TAMM41: variants seen among roughly 807,000 people sequenced by gnomAD.
TAMM41 encodes the protein phosphatidate cytidylyltransferase, mitochondrial.
A neutral mutation model predicts 44.1 loss-of-function variants in TAMM41; 36 were observed. The ratio of observed to expected loss-of-function variants is 0.82; its 90% confidence interval spans 0.63 to 1.08. The LOEUF (loss-of-function observed/expected upper bound fraction) is 1.08. Among genes scored for constraint, TAMM41 ranks in the 50% least tolerant of loss-of-function variants. TAMM41 has a pLI of 0.00. For missense variants in TAMM41, 417 were observed against 404.3 expected (o/e 1.03, Z -0.27); for synonymous variants, 164 against 153.1 (o/e 1.07, Z -0.53).
chr3:11,726,164 T>C, the TAMM41 span, among the ~76,000 whole-genome samples: 1 of 152,234 alleles, frequency 6.6e-6, no homozygotes, highest in East Asian at 1.9e-4. Flanking sequence ...AATGTGTTTT[T>C]CTAGTCTATA....
chr3:11,798,341 T>C (rs1054319559), intron 7 of TAMM41, among the ~76,000 whole-genome samples: 1 of 152,156 alleles, frequency 6.6e-6, no homozygotes, highest in African/African-American at 2.4e-5. Context: ...GACCATGTCC[T>C]TTGCAGGGAT....
At chr3:11,749,298 A>C in the TAMM41 span, among the ~76,000 whole-genome samples, 2 of 152,190 alleles carry the variant, frequency 1.3e-5, no homozygotes, top group Non-Finnish European at 2.9e-5. Context: ...CATAGCCAGT[A>C]AGTGGTGGAA....
At chr3:11,771,509 A>G in the TAMM41 span, among the ~76,000 whole-genome samples, 1 of 151,950 alleles carries the variant, frequency 6.6e-6, no homozygotes, top group Non-Finnish European at 1.5e-5. Context: ...TTATTTATTT[A>G]TTTGAGTCGG....
intron 2 of TAMM41, among the ~76,000 whole-genome samples, chr3:11,842,394 CAA>C (rs35950192): frequency 0.67 from 72,442 of 108,548 alleles, 24,932 homozygotes; most frequent in Middle Eastern, 0.88. Flanking sequence ...AACTCCATCT[CAA>C]AAAAAAAAAA....
At chr3:11,782,809 C>T in the TAMM41 span, among the ~76,000 whole-genome samples, 2 of 152,210 alleles carry the variant, frequency 1.3e-5, no homozygotes, top group Non-Finnish European at 2.9e-5. Context: ...TGGGTTCAAG[C>T]TCAGTGATTT....
intron 7 of TAMM41, among the ~76,000 whole-genome samples, chr3:11,803,091 G>A (rs1057473257): frequency 6.6e-6 from 1 of 152,168 alleles, no homozygotes; most frequent in Non-Finnish European, 1.5e-5. Flanking sequence ...GGCCAACATG[G>A]TGAAACTCCG....
chr3:11,816,772 C>T (rs1168347393), intron 5 of TAMM41, among the ~76,000 whole-genome samples: 1 of 151,460 alleles, frequency 6.6e-6, no homozygotes, highest in Non-Finnish European at 1.5e-5. Context: ...ACCCTGTCCC[C>T]CCAAAAAAAG....
At chr3:11,840,576 G>C (rs143813316) in intron 2 of TAMM41, among the ~76,000 whole-genome samples, 1 of 151,934 alleles carries the variant, frequency 6.6e-6, no homozygotes. Context: ...ACAGTGAACC[G>C]ATTTTGTCCA....
intron 6 of TAMM41, chr3:11,808,597 G>A: frequency 1.0e-6 from 1 of 985,426 alleles, no homozygotes; most frequent in Non-Finnish European, 1.2e-6. Flanking sequence ...AATGAAAACA[G>A]GAGAATGCAC....
intron 7 of TAMM41, among the ~76,000 whole-genome samples, chr3:11,798,313 C>T (rs1486337993): frequency 1.3e-5 from 2 of 152,138 alleles, no homozygotes; most frequent in African/African-American, 2.4e-5. Flanking sequence ...GAATACTATG[C>T]AGCCATAATA....
At chr3:11,746,469 T>C in the TAMM41 span, among the ~76,000 whole-genome samples, 1 of 151,962 alleles carries the variant, frequency 6.6e-6, no homozygotes, top group African/African-American at 2.4e-5. Context: ...TAAATGTCCA[T>C]CAACAGATGG....
chr3:11,747,777 A>G, the TAMM41 span, among the ~76,000 whole-genome samples: 1 of 152,148 alleles, frequency 6.6e-6, no homozygotes, highest in Admixed American at 6.6e-5. Flanking sequence ...AAAAAATTAA[A>G]AAATAAAAAA....
chr3:11,790,389 T>C (rs1057454448), downstream of TAMM41: 21 of 993,408 alleles, frequency 2.1e-5, no homozygotes, highest in Middle Eastern at 2.9e-4. Context: ...CCAAGTATTA[T>C]GCAAACCAGG....
chr3:11,778,528 A>G, the TAMM41 span, among the ~76,000 whole-genome samples: 3 of 152,162 alleles, frequency 2.0e-5, no homozygotes, highest in Non-Finnish European at 4.4e-5. Flanking sequence ...TTTCCTCAGC[A>G]ACTGCCCCAC....
At chr3:11,814,204 A>T (rs1337299160) in intron 5 of TAMM41, among the ~76,000 whole-genome samples, 1 of 152,056 alleles carries the variant, frequency 6.6e-6, no homozygotes, top group African/African-American at 2.4e-5. Context: ...TAATTAATTT[A>T]AAAAATCAGG....
intron 5 of TAMM41, among the ~76,000 whole-genome samples, chr3:11,813,483 T>C (rs930888188): frequency 4.6e-5 from 7 of 152,116 alleles, no homozygotes; most frequent in African/African-American, 7.2e-5. Context: ...TGAGCCGAGA[T>C]TGCGCCACTG....
chr3:11,821,632 T>C (rs1191225920), intron 4 of TAMM41, among the ~76,000 whole-genome samples: 1 of 152,170 alleles, frequency 6.6e-6, no homozygotes, highest in East Asian at 1.9e-4. Flanking sequence ...GCTTTGTAAG[T>C]AGTAAAGCAG....
intron 1 of TAMM41, chr3:11,844,943 G>C (rs778944865): frequency 2.2e-6 from 1 of 456,726 alleles, no homozygotes; most frequent in South Asian, 1.5e-5. Flanking sequence ...AATTCTCCTA[G>C]AGATGACAAA....
chr3:11,726,746 T>C, the TAMM41 span, among the ~76,000 whole-genome samples: 13 of 145,454 alleles, frequency 8.9e-5, no homozygotes, highest in African/African-American at 3.4e-4. Flanking sequence ...GAGTTTGCAG[T>C]GAGTTGAGAT....
Sources: allele counts gnomAD v4.1 joint callset (sites outside exome capture counted in the v4.1 genomes callset), GRCh38; gene constraint gnomAD v4.1.1; transcripts MANE v1.5; gene names NCBI Gene and HGNC (gene_info 2026-07-23, HGNC 2026-07-21).